METTL15: variants seen among roughly 807,000 people sequenced by gnomAD.
The protein encoded by METTL15 is 12S rRNA N(4)-cytidine methyltransferase METTL15.
In METTL15, 34 loss-of-function variants were observed where a neutral mutation model predicts 38.3. The observed-to-expected ratio is 0.89, with a 90% CI of 0.68 to 1.18. The LOEUF (loss-of-function observed/expected upper bound fraction) is 1.18. Ranked by LOEUF, METTL15 falls within the 50% of genes most tolerant of loss-of-function variation. The probability of loss-of-function intolerance (pLI) is 0.00; values close to 1 mark genes in which losing one functional copy is unlikely to be tolerated. For missense variants in METTL15, 438 were observed against 498.4 expected, an observed-to-expected ratio of 0.88 and a Z score of 1.15; for synonymous variants, 162 against 170.9, an observed-to-expected ratio of 0.95 and a Z score of 0.41.
chr11:28,315,981 C>T (rs1289305895), intron 6 of METTL15, among the ~76,000 whole-genome samples: 1 of 152,196 alleles, frequency 6.6e-6, no homozygotes, highest in Non-Finnish European at 1.5e-5. Flanking sequence ...AGGGCTTGGG[C>T]CCTCATGGAG....
chr11:28,213,470 C>T (rs1852726604), intron 4 of METTL15, among the ~76,000 whole-genome samples: 1 of 151,704 alleles, frequency 6.6e-6, no homozygotes, highest in Non-Finnish European at 1.5e-5. Flanking sequence ...TGGTAACTTG[C>T]AAAACCTAGA....
intron 3 of METTL15, among the ~76,000 whole-genome samples, chr11:28,201,610 G>GGTGTGTGTGTGTGT (rs71050951): frequency 6.9e-5 from 10 of 145,562 alleles, no homozygotes; most frequent in African/African-American, 1.0e-4. Flanking sequence ...GTCTTGGGAG[G>GGTGTGTGTGTGTGT]GTGTGTGTGT....
At chr11:28,407,287 G>C (rs1481464819) in intron 5 of METTL15, among the ~76,000 whole-genome samples, 1 of 152,098 alleles carries the variant, frequency 6.6e-6, no homozygotes, top group African/African-American at 2.4e-5. Flanking sequence ...AAAAGTATTT[G>C]CAACAAAAGC....
intron 6 of METTL15, among the ~76,000 whole-genome samples, chr11:28,505,537 G>GT (rs1321820244): frequency 6.6e-6 from 1 of 152,132 alleles, no homozygotes; most frequent in African/African-American, 2.4e-5. Flanking sequence ...GATGTTTTTA[G>GT]TTTTTCTGAG....
intron 3 of METTL15, among the ~76,000 whole-genome samples, chr11:28,170,857 A>G (rs1290177566): frequency 1.3e-5 from 2 of 152,198 alleles, no homozygotes; most frequent in African/African-American, 4.8e-5. Context: ...TGTGACCTGT[A>G]TCTTGTGCTG....
chr11:28,474,440 A>G (rs1851328261), intron 6 of METTL15, among the ~76,000 whole-genome samples: 4 of 152,148 alleles, frequency 2.6e-5, no homozygotes, highest in Admixed American at 1.3e-4. Context: ...AGAAGTAAAT[A>G]TATATTCATA....
intron 3 of METTL15, among the ~76,000 whole-genome samples, chr11:28,119,525 G>A (rs1852121287): frequency 6.6e-6 from 1 of 152,170 alleles, no homozygotes; most frequent in South Asian, 2.1e-4. Context: ...GAGAAAATAA[G>A]CTGGCACCTA....
At chr11:28,471,652 A>G (rs527377183) in intron 6 of METTL15, among the ~76,000 whole-genome samples, 1 of 152,230 alleles carries the variant, frequency 6.6e-6, no homozygotes, top group South Asian at 2.1e-4. Flanking sequence ...ACAGAACATA[A>G]CACATTCTGA....
chr11:28,216,073 G>A (rs1289551392), intron 4 of METTL15, among the ~76,000 whole-genome samples: 3 of 150,036 alleles, frequency 2.0e-5, no homozygotes, highest in Non-Finnish European at 2.9e-5. Flanking sequence ...AATGAAAAGA[G>A]TTAATGCTCC....
chr11:28,260,207 A>C (rs1217103535), intron 4 of METTL15, among the ~76,000 whole-genome samples: 2 of 152,146 alleles, frequency 1.3e-5, no homozygotes, highest in African/African-American at 2.4e-5. Context: ...TTTCCATATC[A>C]GGCACTTAGC....
chr11:28,204,084 G>C (rs1424991730), intron 3 of METTL15, among the ~76,000 whole-genome samples: 3 of 152,034 alleles, frequency 2.0e-5, no homozygotes, highest in Admixed American at 1.3e-4. Flanking sequence ...GTTACCTTGG[G>C]AGGCTGAGCT....
intron 4 of METTL15, among the ~76,000 whole-genome samples, chr11:28,356,142 G>A (rs1357041834): frequency 6.6e-6 from 1 of 152,066 alleles, no homozygotes; most frequent in Non-Finnish European, 1.5e-5. Flanking sequence ...GTCTTCCCTG[G>A]CCTTCTACCT....
At chr11:28,530,500 A>T (rs1851838412), downstream of METTL15, among the ~76,000 whole-genome samples, 1 of 152,144 alleles carries the variant, frequency 6.6e-6, no homozygotes, top group Non-Finnish European at 1.5e-5. Context: ...CGGTGTGCTG[A>T]TAAATGTATA....
At chr11:28,160,256 C>T (rs957613698) in intron 3 of METTL15, among the ~76,000 whole-genome samples, 3 of 151,478 alleles carry the variant, frequency 2.0e-5, no homozygotes, top group Non-Finnish European at 4.4e-5. Context: ...TTATTCCATT[C>T]GTTATTGGAA....
chr11:28,337,152 T>A (rs1356259678), downstream of METTL15, among the ~76,000 whole-genome samples: 1 of 152,168 alleles, frequency 6.6e-6, no homozygotes, highest in African/African-American at 2.4e-5. Context: ...CATGTTTGTG[T>A]TTTAAGCTCT....
At chr11:28,127,616 C>T (rs1365669047) in intron 3 of METTL15, among the ~76,000 whole-genome samples, 4 of 152,102 alleles carry the variant, frequency 2.6e-5, no homozygotes, top group Admixed American at 6.6e-5. Context: ...TGCTGATCCA[C>T]TGTATACACA....
intron 4 of METTL15, among the ~76,000 whole-genome samples, chr11:28,288,933 T>C (rs1305913771): frequency 6.6e-6 from 1 of 152,134 alleles, no homozygotes; most frequent in Non-Finnish European, 1.5e-5. Flanking sequence ...CTCTCACCAA[T>C]GGTATATACA....
chr11:28,442,079 T>A (rs1204439805), intron 6 of METTL15, among the ~76,000 whole-genome samples: 4 of 152,174 alleles, frequency 2.6e-5, no homozygotes, highest in Non-Finnish European at 5.9e-5. Flanking sequence ...CTAACTTACC[T>A]GAGGAAGACA....
chr11:28,319,276 T>C (rs929929585), intron 6 of METTL15, among the ~76,000 whole-genome samples: 1 of 152,186 alleles, frequency 6.6e-6, no homozygotes, highest in African/African-American at 2.4e-5. Context: ...GAAATCACTC[T>C]AAGCCATGTG....
Sources: allele counts gnomAD v4.1 joint callset (sites outside exome capture counted in the v4.1 genomes callset), GRCh38; gene constraint gnomAD v4.1.1; transcripts MANE v1.5; gene names NCBI Gene and HGNC (gene_info 2026-07-23, HGNC 2026-07-21).